The following NCALD variants were observed in gnomAD, a reference collection of about 807,000 sequenced individuals.
NCALD encodes neurocalcin-delta.
NCALD carries 10 observed loss-of-function variants against 18.6 expected under a neutral mutation model. The ratio of observed to expected loss-of-function variants is 0.54; its 90% CI spans 0.33 to 0.91. The LOEUF (loss-of-function observed/expected upper bound fraction) is 0.91. Among genes scored for constraint, NCALD ranks in the 40% least tolerant of loss-of-function variants. The pLI, the probability that NCALD is intolerant of heterozygous loss-of-function variation, is 0.03. For synonymous variants in NCALD, 88 were observed against 87.4 expected, an observed-to-expected ratio of 1.01 and a Z score of -0.04; for missense variants, 184 against 247.6, an observed-to-expected ratio of 0.74 and a Z score of 1.72.
At chr8:101,879,691 T>C (rs1337629182) in intron 4 of NCALD, among the ~76,000 whole-genome samples, 3 of 152,188 alleles carry the variant, frequency 2.0e-5, no homozygotes, top group Non-Finnish European at 4.4e-5. Flanking sequence ...TACAGAGCAC[T>C]CATTGGTCCG....
At chr8:101,693,755 A>G (rs964431178) in intron 2 of NCALD, 1 of 151,896 alleles carries the variant, frequency 6.6e-6, no homozygotes, top group Non-Finnish European at 1.5e-5. Flanking sequence ...GACATGTAAC[A>G]CTCTGTAAGT....
intron 2 of NCALD, among the ~76,000 whole-genome samples, chr8:101,999,475 T>C (rs532002867): frequency 1.3e-5 from 2 of 152,164 alleles, no homozygotes; most frequent in African/African-American, 4.8e-5. Flanking sequence ...GCTATGAGGA[T>C]GCAAAGGCAT....
At chr8:101,755,232 T>A (rs1810826628) in intron 1 of NCALD, among the ~76,000 whole-genome samples, 1 of 152,226 alleles carries the variant, frequency 6.6e-6, no homozygotes, top group South Asian at 2.1e-4. Context: ...AAAATACAAA[T>A]GACTCTAACT....
intron 4 of NCALD, among the ~76,000 whole-genome samples, chr8:101,818,294 G>A (rs1417270109): frequency 6.6e-6 from 1 of 152,004 alleles, no homozygotes; most frequent in East Asian, 1.9e-4. Context: ...GATTTCCTTG[G>A]TTTGTTTTGC....
At chr8:101,855,455 G>A (rs1277704744) in intron 4 of NCALD, among the ~76,000 whole-genome samples, 1 of 152,200 alleles carries the variant, frequency 6.6e-6, no homozygotes, top group Non-Finnish European at 1.5e-5. Context: ...TGTACCCATA[G>A]AGGATTTCAT....
chr8:101,810,797 A>G (rs1039824794), intron 4 of NCALD, among the ~76,000 whole-genome samples: 10 of 152,124 alleles, frequency 6.6e-5, no homozygotes, highest in Non-Finnish European at 1.2e-4. Flanking sequence ...AAGCTTTTCT[A>G]TCATAACCCT....
chr8:101,826,459 TTG>T (rs1813941927), intron 4 of NCALD, among the ~76,000 whole-genome samples: 2 of 152,218 alleles, frequency 1.3e-5, no homozygotes, highest in Non-Finnish European at 2.9e-5. Flanking sequence ...TCAAGTAAGA[TTG>T]ACTTTGGAGT....
At chr8:101,782,071 ATATTG>A (rs71268529) in intron 1 of NCALD, among the ~76,000 whole-genome samples, 94,499 of 147,008 alleles carry the variant, frequency 0.64, 32,093 homozygotes, top group Non-Finnish European at 0.76. Flanking sequence ...CAGTATATAT[ATATTG>A]TATGTTTTAT....
chr8:101,963,692 C>G (rs1382660694), intron 2 of NCALD, among the ~76,000 whole-genome samples: 2 of 152,122 alleles, frequency 1.3e-5, no homozygotes, highest in Non-Finnish European at 2.9e-5. Flanking sequence ...AACTGAAAAA[C>G]AAACCTAATA....
At chr8:102,108,900 T>C (rs770030029) in intron 1 of NCALD, among the ~76,000 whole-genome samples, 4 of 152,198 alleles carry the variant, frequency 2.6e-5, no homozygotes, top group Non-Finnish European at 5.9e-5. Context: ...CAGAATTACA[T>C]AATATAATGA....
At chr8:101,900,544 T>C (rs1817381102) in intron 3 of NCALD, among the ~76,000 whole-genome samples, 1 of 151,998 alleles carries the variant, frequency 6.6e-6, no homozygotes, top group Admixed American at 6.5e-5. Context: ...TAAATTTTGA[T>C]GTTGTATTTT....
chr8:102,056,535 T>C (rs557618695), intron 1 of NCALD, among the ~76,000 whole-genome samples: 9 of 152,344 alleles, frequency 5.9e-5, no homozygotes, highest in African/African-American at 2.2e-4. Context: ...GAATAAACCA[T>C]CCAGAGTCTC....
intron 3 of NCALD, among the ~76,000 whole-genome samples, chr8:101,896,130 G>A (rs1817159021): frequency 6.6e-6 from 1 of 151,586 alleles, no homozygotes; most frequent in African/African-American, 2.4e-5. Context: ...CAAGGCTACA[G>A]TAACCAAAAC....
intron 1 of NCALD, among the ~76,000 whole-genome samples, chr8:102,034,816 C>T (rs987908054): frequency 5.3e-5 from 8 of 152,156 alleles, no homozygotes; most frequent in South Asian, 2.1e-4. Flanking sequence ...CTTAAACGTA[C>T]GCGTCCCCTA....
chr8:101,946,322 T>C (rs576794348), intron 2 of NCALD, among the ~76,000 whole-genome samples: 1 of 152,148 alleles, frequency 6.6e-6, no homozygotes, highest in Non-Finnish European at 1.5e-5. Context: ...TAGACCTACA[T>C]GGAGCATGCC....
intron 2 of NCALD, among the ~76,000 whole-genome samples, chr8:102,013,557 C>T (rs1249657983): frequency 1.3e-5 from 2 of 152,174 alleles, no homozygotes; most frequent in Non-Finnish European, 2.9e-5. Context: ...GCAACCAGAA[C>T]AACTCTTTAC....
intron 2 of NCALD, among the ~76,000 whole-genome samples, chr8:102,013,571 G>A (rs1301134406): frequency 6.6e-6 from 1 of 152,058 alleles, no homozygotes; most frequent in Non-Finnish European, 1.5e-5. Flanking sequence ...TCTTTACCTG[G>A]GCTGACTCCA....
chr8:101,726,039 T>C (rs958822415), intron 1 of NCALD, among the ~76,000 whole-genome samples: 1 of 151,940 alleles, frequency 6.6e-6, no homozygotes, highest in Non-Finnish European at 1.5e-5. Context: ...GTAAGAAGAC[T>C]CTTTGAAGAG....
At chr8:101,844,359 CTTTTTT>C (rs35559892) in intron 4 of NCALD, among the ~76,000 whole-genome samples, 1 of 145,134 alleles carries the variant, frequency 6.9e-6, no homozygotes, top group African/African-American at 2.5e-5. Flanking sequence ...ACTCTAAATT[CTTTTTT>C]TTTTTTTTCT....
Sources: gnomAD v4.1 joint callset for allele counts (sites outside exome capture counted in the v4.1 genomes callset) on GRCh38, gnomAD v4.1.1 for gene constraint, MANE v1.5 for transcripts, NCBI Gene and HGNC (gene_info 2026-07-23, HGNC 2026-07-21) for gene names.